Variants in PXN observed in about 807,000 individuals in gnomAD.
The protein encoded by PXN is testicular tissue protein Li 134.
A neutral mutation model predicts 103.6 loss-of-function variants in PXN; 61 were observed. The observed-to-expected ratio is 0.59, with a 90% CI of 0.48 to 0.73. The LOEUF is 0.73. Among genes scored for constraint, PXN ranks in the 30% least tolerant of loss-of-function variants. The pLI is 0.00. For synonymous variants in PXN, 562 were observed against 607.8 expected (o/e 0.92, Z 1.11); for missense variants, 1,274 against 1,460.3 (o/e 0.87, Z 2.08).
At chr12:120,223,614 C>G in intron 3 of PXN, 104 bp downstream of exon 3, 2 of 823,858 alleles carry the variant, frequency 2.4e-6, no homozygotes, top group Admixed American at 5.3e-5. Context: ...CCACAAGGCC[C>G]AGTTGCTATG....
chr12:120,218,722 G>A (rs2136239810), intron 7 of PXN, among the ~76,000 whole-genome samples: 1 of 152,332 alleles, frequency 6.6e-6, no homozygotes. Context: ...TAAAAGTACT[G>A]TCAGCCACGG....
At chr12:120,226,642 G>A in intron 1 of PXN, 4 of 1,181,038 alleles carry the variant, frequency 3.4e-6, no homozygotes, top group Non-Finnish European at 4.3e-6. Context: ...AGGCTCTTGG[G>A]AGCACAGATC....
Position 120,216,549 on chromosome 12 carries a change from C to A in PXN, c.2025G>T (p.Leu675=). 7.0e-7 allele frequency: 1 copy of A among 1,419,718 alleles called. No individual in the cohort carries two copies. The highest frequency in any genetic ancestry group is 9.1e-7 in the Non-Finnish European group (1 of 1,095,880). 87.9% of individuals were successfully genotyped at this position (1,419,718 alleles called of 1,614,324 possible). A position where few individuals can be genotyped will look rare whatever the true frequency, so the allele number is the denominator to read the frequency against. Residue 675 remains leucine (L), a synonymous_variant, in exon 9 of 15, where the codon CTG becomes CTT. Coordinates refer to ENST00000637617, the MANE Select transcript of PXN (RefSeq NM_001385981.1). The surrounding 1 kb of genome is among the most constrained non-coding windows in gnomAD (Gnocchi z 5.1). The part of the protein sequence containing the change: ...VVFPPGSPIP[L]RRTISVLASP... ...AAGCCAGGACAGAGATGGTTCTTCT[C>A]AGGGGAATGGGAGAGCCAGGAGGGA...
chr12:120,241,365 G>C (rs1307781210), intron 1 of PXN, among the ~76,000 whole-genome samples: 1 of 152,196 alleles, frequency 6.6e-6, no homozygotes, highest in African/African-American at 2.4e-5. Context: ...CCCCAGTTCA[G>C]GAGGCACAAA....
At chr12:120,247,851 A>G (rs934913227) in intron 1 of PXN, 8 of 152,272 alleles carry the variant, frequency 5.3e-5, no homozygotes, top group African/African-American at 1.9e-4. Context: ...AAAGAAAGAA[A>G]GTTGAAGTGC....
chr12:120,256,448 G>A (rs2136676784), intron 1 of PXN, among the ~76,000 whole-genome samples: 1 of 152,122 alleles, frequency 6.6e-6, no homozygotes, highest in Middle Eastern at 3.4e-3. Context: ...AACGGAACCA[G>A]AAGAAAAAGG....
chr12:120,230,726 G>A (rs1025907219), intron 1 of PXN, among the ~76,000 whole-genome samples: 4 of 150,830 alleles, frequency 2.7e-5, no homozygotes, highest in Non-Finnish European at 5.9e-5. Flanking sequence ...GCTTTCACTC[G>A]GTGAGTAAGT....
rs769875396 is a variant in PXN, at chr12:120,213,983, G to T, written c.2838C>A (p.His946Gln). Residue 946 changes from histidine (H) to glutamine (Q), a missense_variant, in exon 14 of 15, where the codon CAC (histidine) becomes CAA (glutamine). Around this residue, in one of 2 missense-constraint regions of PXN, gnomAD observed 1,178 missense variants for 1,309.0 expected, o/e 0.90. Coordinates refer to ENST00000637617, the MANE Select transcript of PXN (RefSeq NM_001385981.1). The surrounding 1 kb of genome is among the most constrained non-coding windows in gnomAD (Gnocchi z 4.2). ...GACAGTAGGCCTTGCCGTCCTTCTC[G>T]TGGAACCCTGGGGAGCGGGGGTTTT... Reference protein sequence around the residue: ...CGAFFGPEGFHEKDGKAYCRK... With the variant: ...CGAFFGPEGFQEKDGKAYCRK... 4 of 1,612,096 alleles carry T rather than the reference G, an allele frequency of 2.5e-6. No individual in the cohort carries two copies. The highest frequency in any genetic ancestry group is 3.4e-6 in the Non-Finnish European group (4 of 1,179,352).
rs989596375 is a variant in PXN, at chr12:120,217,611, G to A, written c.1717-495C>T. On this transcript the variant is annotated intron_variant, in intron 7 of 14. Transcript: ENST00000637617. The surrounding 1 kb of genome is among the most constrained non-coding windows in gnomAD (Gnocchi z 4.1). ...TTTTTTTGGGGGGGGACAGAGTCTC[G>A]CTCTGTCGCCCAGGCTGGAATGCAG... Among the ~76,000 whole-genome samples, 27 of 151,632 alleles carry A rather than the reference G, an allele frequency of 1.8e-4. 1 individual carries two copies. Among genetic ancestry groups the A allele is most frequent in the Non-Finnish European group, 3.4e-4 (23 of 67,934 alleles).
At chr12:120,250,596 C>A (rs1457578792) in intron 1 of PXN, among the ~76,000 whole-genome samples, 1 of 152,082 alleles carries the variant, frequency 6.6e-6, no homozygotes, top group Non-Finnish European at 1.5e-5. Flanking sequence ...ACCAAGCCAC[C>A]AAGCCACCTC....
Position 120,215,718 on chromosome 12 carries a change from A to T in PXN, c.2302-57T>A, listed in dbSNP as rs965688356. 2 of 1,518,038 alleles carry T rather than the reference A, an allele frequency of 1.3e-6. No homozygotes were observed. The highest frequency in any genetic ancestry group is 4.7e-5 in the East Asian group (2 of 42,966). The allele number at this position is 1,518,038 out of a possible 1,614,324, so 94.0% of individuals were successfully genotyped here. A position where few individuals can be genotyped will look rare whatever the true frequency, so the allele number is the denominator to read the frequency against. The stretch of plus-strand genomic sequence containing the variant: ...TCTTTTTTAAAAATTAAGAAAGAAT[A>T]CAAGACCTTGTCACTGGACTAAAAG... On this transcript the variant is annotated intron_variant, in intron 9 of 14. Coordinates refer to ENST00000637617, the MANE Select transcript of PXN (RefSeq NM_001385981.1). The surrounding 1 kb of genome is among the most constrained non-coding windows in gnomAD (Gnocchi z 4.9).
chr12:120,215,535 C>A lies in PXN; in HGVS notation c.2403+25G>T. ...CCCAGGGAGAGCACGACACGCAGGA[C>A]ACCCAGCCCAGCCTTGGCACTGACC... On this transcript the variant is annotated intron_variant, in intron 10 of 14. Coordinates refer to ENST00000637617, the MANE Select transcript of PXN (RefSeq NM_001385981.1). This position sits in a 1 kb window ranked among gnomAD's most constrained non-coding sequence, Gnocchi z 4.9. 1.3e-6 allele frequency: 2 copies of A among 1,555,994 alleles called. No individual in the cohort carries two copies. The highest frequency in any genetic ancestry group is 2.4e-5 in the South Asian group (2 of 85,064).
chr12:120,264,254 T>G (rs1455019659), intron 1 of PXN: 1 of 152,224 alleles, frequency 6.6e-6, no homozygotes, highest in East Asian at 1.9e-4. Flanking sequence ...AGTCTTAACT[T>G]AGTGCCCGGC....
At chr12:120,232,805 T>G (rs1339913679) in intron 1 of PXN, among the ~76,000 whole-genome samples, 1 of 152,152 alleles carries the variant, frequency 6.6e-6, no homozygotes, top group Non-Finnish European at 1.5e-5. Context: ...GCAGTTTTTT[T>G]GCGATTTTTG....
rs1213777195 is a variant in PXN at position 120,225,293 on chromosome 12, C to T, written c.14-916G>A. ...GCCCCACGGCTCAGACAGCCTGGCC[C>T]TGGATGCCACACCCTCATTCCTGCC... On this transcript the variant is annotated intron_variant, in intron 1 of 14. Coordinates refer to ENST00000637617, the MANE Select transcript of PXN (RefSeq NM_001385981.1). The surrounding 1 kb of genome is among the most constrained non-coding windows in gnomAD (Gnocchi z 4.4). 1 of 157,762 alleles carries T rather than the reference C, an allele frequency of 6.3e-6. No homozygotes were observed. The highest frequency in any genetic ancestry group is 1.9e-4 in the East Asian group (1 of 5,280). 9.8% of individuals were successfully genotyped at this position (157,762 alleles called of 1,614,324 possible).
In PXN at chr12:120,217,665, C is replaced by T. The variant is rs918287939; in HGVS notation, c.1717-549G>A. On this transcript the variant is annotated intron_variant, in intron 7 of 14. Coordinates refer to ENST00000637617, the MANE Select transcript of PXN (RefSeq NM_001385981.1). The surrounding 1 kb of genome is among the most constrained non-coding windows in gnomAD (Gnocchi z 4.1). ...CGCGATCTGGTCTCACTGCAACCTC[C>T]GCCTCCTGGGTTCAAGAGATTCTCC... Among the ~76,000 whole-genome samples the T allele has an allele frequency of 1.1e-4, 16 of 151,974 alleles. No homozygotes were observed. The highest frequency in any genetic ancestry group is 2.7e-4 in the African/African-American group (11 of 41,378).
chr12:120,260,500 G>A (rs374006687), intron 1 of PXN, among the ~76,000 whole-genome samples: 8 of 137,390 alleles, frequency 5.8e-5, no homozygotes, highest in Admixed American at 7.3e-5. Flanking sequence ...TGAAACTCAG[G>A]AAAAAAAAAA....
chr12:120,245,465 C>A (rs1231707292), intron 1 of PXN, among the ~76,000 whole-genome samples: 2 of 151,542 alleles, frequency 1.3e-5, no homozygotes, highest in Non-Finnish European at 2.9e-5. Context: ...GTTTTCCTGA[C>A]ATTTTTGTTA....
At chr12:120,259,295 G>T (rs1566439156) in intron 1 of PXN, among the ~76,000 whole-genome samples, 1 of 152,038 alleles carries the variant, frequency 6.6e-6, no homozygotes, top group Non-Finnish European at 1.5e-5. Flanking sequence ...AGGAGGCTGA[G>T]ACAGGAGAAT....
Sources: gnomAD v4.1 joint callset for allele counts (sites outside exome capture counted in the v4.1 genomes callset) on GRCh38, gnomAD v4.1.1 for gene constraint, gnomAD v4.1.1 regional missense constraint, Gnocchi (gnomAD v3.1) non-coding constraint, MANE v1.5 for transcripts, NCBI Gene and HGNC (gene_info 2026-07-23, HGNC 2026-07-21) for gene names.